MGST1: variants seen among roughly 807,000 people sequenced by gnomAD.
The protein encoded by MGST1 is glutathione S-transferase 12.
In MGST1, 5 loss-of-function variants were observed where a neutral mutation model predicts 8.9. That is an observed-to-expected ratio of 0.56 (90% confidence interval 0.29 to 1.19). The LOEUF (loss-of-function observed/expected upper bound fraction) is 1.19. Ranked by LOEUF, MGST1 falls within the 50% of genes most tolerant of loss-of-function variation. The probability of loss-of-function intolerance (pLI) is 0.08; values close to 1 mark genes in which losing one functional copy is unlikely to be tolerated. For missense variants in MGST1, 182 were observed against 187.4 expected, an observed-to-expected ratio of 0.97 and a Z score of 0.17; for synonymous variants, 54 against 67.8, an observed-to-expected ratio of 0.80 and a Z score of 1.00.
intron 4 of MGST1, among the ~76,000 whole-genome samples, chr12:16,489,827 G>A (rs893443648): frequency 3.9e-5 from 6 of 152,062 alleles, no homozygotes; most frequent in African/African-American, 1.4e-4. Flanking sequence ...ATTTTCTACC[G>A]CCATGAAAGA....
At chr12:16,541,865 G>A (rs1250318394) in intron 4 of MGST1, among the ~76,000 whole-genome samples, 3 of 152,248 alleles carry the variant, frequency 2.0e-5, no homozygotes, top group South Asian at 2.1e-4. Context: ...AGTATATCAG[G>A]CAGGGGTTGC....
chr12:16,529,518 T>C (rs531845350), intron 4 of MGST1, among the ~76,000 whole-genome samples: 101 of 152,210 alleles, frequency 6.6e-4, no homozygotes, highest in Middle Eastern at 3.4e-3. Flanking sequence ...TCGTTTTAAA[T>C]TTTTAATATA....
rs193026866 is a variant in MGST1 at position 16,489,712 on chromosome 12, C to T, written n.483-99816C>T. Among the ~76,000 whole-genome samples, 493 of 152,226 alleles carry T rather than the reference C, an allele frequency of 3.2e-3. 3 individuals are homozygous for T. Among genetic ancestry groups the T allele is most frequent in the African/African-American group, 0.012 (481 of 41,546 alleles). On this transcript the variant is annotated intron_variant and non_coding_transcript_variant, in intron 4 of 4. Coordinates refer to the MGST1 transcript ENST00000538857. ...ATATAGTTAGTAGAGGTAGAGCAGG[C>T]AGAGACACTTTTTCAAACTCTTTAA...
Position 16,396,504 on chromosome 12 carries a change from T to C in MGST1, n.778+12900T>C, listed in dbSNP as rs144304923. Among the ~76,000 whole-genome samples, 789 of 152,230 alleles carry C rather than the reference T, an allele frequency of 5.2e-3. 6 individuals carry two copies. Among genetic ancestry groups the C allele is most frequent in the African/African-American group, 0.018 (760 of 41,532 alleles). On this transcript the variant is annotated intron_variant and non_coding_transcript_variant, in intron 1 of 1. Coordinates refer to the MGST1 transcript ENST00000359720. Reference sequence around the variant, plus strand: ...AAAGAGGAAGTCAAACTGTAGCTGTTTGCTGATGATATGATTGTATACCTA... The same window carrying C: ...AAAGAGGAAGTCAAACTGTAGCTGTCTGCTGATGATATGATTGTATACCTA...
At chr12:16,502,557 A>G (rs1036141174) in intron 4 of MGST1, among the ~76,000 whole-genome samples, 1 of 152,220 alleles carries the variant, frequency 6.6e-6, no homozygotes, top group South Asian at 2.1e-4. Flanking sequence ...GCCTCATGCA[A>G]CTAAAAACAG....
chr12:16,496,617 C>G (rs118064957), intron 4 of MGST1, among the ~76,000 whole-genome samples: 1 of 152,210 alleles, frequency 6.6e-6, no homozygotes, highest in Admixed American at 6.5e-5. Flanking sequence ...TGTTTCAACC[C>G]TGGACTCCTT....
intron 4 of MGST1, among the ~76,000 whole-genome samples, chr12:16,532,963 A>G (rs550373360): frequency 1.3e-5 from 2 of 152,268 alleles, no homozygotes; most frequent in South Asian, 2.1e-4. Context: ...CTAATAAGAA[A>G]TATCTTTTTG....
intron 1 of MGST1, among the ~76,000 whole-genome samples, chr12:16,408,888 T>C (rs2137071013): frequency 1.3e-5 from 2 of 152,312 alleles, no homozygotes; most frequent in Middle Eastern, 6.8e-3. Context: ...CTCTTTTTAG[T>C]TGAGTCTAAC....
chr12:16,533,107 T>C (rs1333116379), intron 4 of MGST1, among the ~76,000 whole-genome samples: 1 of 152,188 alleles, frequency 6.6e-6, no homozygotes, highest in Non-Finnish European at 1.5e-5. Context: ...TCTTAACTAG[T>C]ATTTAAAGAG....
chr12:16,400,467 A>G (rs570310767), intron 1 of MGST1: 3 of 798,292 alleles, frequency 3.8e-6, no homozygotes, highest in East Asian at 2.4e-5. Flanking sequence ...TCCAGTTTAG[A>G]TTGATCACCA....
chr12:16,402,405 C>T (rs1591718258), intron 1 of MGST1: 3 of 1,604,590 alleles, frequency 1.9e-6, no homozygotes, highest in Non-Finnish European at 2.6e-6. Flanking sequence ...GCGTCTTTGT[C>T]CAGAGTCACA....
intron 1 of MGST1, among the ~76,000 whole-genome samples, chr12:16,402,988 G>C (rs2137064665): frequency 6.7e-6 from 1 of 150,196 alleles, no homozygotes; most frequent in African/African-American, 2.4e-5. Flanking sequence ...AAATTATCTA[G>C]TAATTAGACT....
intron 4 of MGST1, among the ~76,000 whole-genome samples, chr12:16,571,721 C>A (rs1278840073): frequency 6.6e-6 from 1 of 151,938 alleles, no homozygotes; most frequent in Non-Finnish European, 1.5e-5. Context: ...GAATTAAATA[C>A]CCTTTCAAGA....
At chr12:16,376,081 T>C in intron 3 of MGST1, 2 of 1,269,624 alleles carry the variant, frequency 1.6e-6, no homozygotes, top group African/African-American at 1.5e-5. Flanking sequence ...TATATAGTCT[T>C]TGAAGGATAT....
chr12:16,476,148 A>C (rs1941321756), intron 4 of MGST1, among the ~76,000 whole-genome samples: 1 of 152,178 alleles, frequency 6.6e-6, no homozygotes. Context: ...AACCATAGGG[A>C]ATGCAGCCAA....
chr12:16,489,449 G>A lies in MGST1; in HGVS notation n.483-100079G>A, dbSNP rs576031774. Among the ~76,000 whole-genome samples, 176 of 152,082 alleles carry A rather than the reference G, an allele frequency of 1.2e-3. 1 individual carries two copies. Among genetic ancestry groups the A allele is most frequent in the Non-Finnish European group, 1.5e-3 (105 of 68,014 alleles). On this transcript the variant is annotated intron_variant and non_coding_transcript_variant, in intron 4 of 4. Coordinates refer to the MGST1 transcript ENST00000538857. ...GCAGAGCTCATAATGGGATATCTGG[G>A]TTGCCTGTGTTCCCTTGTTTACAAT... is the stretch of plus-strand genomic sequence containing the variant.
At chr12:16,474,814 G>A (rs1265215944) in intron 4 of MGST1, among the ~76,000 whole-genome samples, 3 of 152,174 alleles carry the variant, frequency 2.0e-5, no homozygotes, top group Non-Finnish European at 4.4e-5. Context: ...TTTGTGCATG[G>A]TGTTAAAGGT....
At chr12:16,349,797 T>C (rs1482568699) in intron 1 of MGST1, among the ~76,000 whole-genome samples, 1 of 145,826 alleles carries the variant, frequency 6.9e-6, no homozygotes. Context: ...CAGGCTGGAG[T>C]GCAGTGGCAC....
At chr12:16,561,899 G>T (rs1432996426) in intron 4 of MGST1, among the ~76,000 whole-genome samples, 2 of 152,178 alleles carry the variant, frequency 1.3e-5, no homozygotes, top group East Asian at 3.8e-4. Context: ...AACATAGTCT[G>T]TGCACTTGAT....
Sources: allele counts gnomAD v4.1 joint callset (sites outside exome capture counted in the v4.1 genomes callset), GRCh38; gene constraint gnomAD v4.1.1; transcripts MANE v1.5; gene names NCBI Gene and HGNC (gene_info 2026-07-23, HGNC 2026-07-21).